KCNJ6: variants seen among roughly 807,000 people sequenced by gnomAD.
KCNJ6 encodes G protein-activated inward rectifier potassium channel 2.
KCNJ6 carries 9 observed loss-of-function variants against 34.2 expected under a neutral mutation model. The ratio of observed to expected loss-of-function variants is 0.26; its 90% CI spans 0.16 to 0.46. KCNJ6 has a LOEUF of 0.46. Ranked by LOEUF, KCNJ6 falls within the 20% of genes least tolerant of loss-of-function variation. The pLI is 1.00. For synonymous variants in KCNJ6, 196 were observed against 207.1 expected, an observed-to-expected ratio of 0.95 and a Z score of 0.46; for missense variants, 236 against 531.3, an observed-to-expected ratio of 0.44 and a Z score of 5.46.
At chr21:37,913,780 T>C (rs573634599) in intron 1 of KCNJ6, among the ~76,000 whole-genome samples, 1 of 152,044 alleles carries the variant, frequency 6.6e-6, no homozygotes, top group South Asian at 2.1e-4. Flanking sequence ...ATCGAGCCAC[T>C]GCACTCTAGC....
intron 2 of KCNJ6, among the ~76,000 whole-genome samples, chr21:37,742,688 T>G (rs2835917): frequency 0.5 from 75,912 of 151,966 alleles, 19,300 homozygotes; most frequent in South Asian, 0.64. Context: ...GCAGTCACCA[T>G]ATCTAGATCA....
intron 3 of KCNJ6, among the ~76,000 whole-genome samples, chr21:37,660,202 C>T (rs1389533471): frequency 1.3e-5 from 2 of 152,250 alleles, no homozygotes; most frequent in Non-Finnish European, 1.5e-5. Flanking sequence ...CACACACCTA[C>T]ACTCTCTTCC....
chr21:37,690,085 T>C (rs2123427146), intron 3 of KCNJ6, among the ~76,000 whole-genome samples: 1 of 148,894 alleles, frequency 6.7e-6, no homozygotes, highest in Non-Finnish European at 1.5e-5. Flanking sequence ...GATTATGCAA[T>C]TAAAATTGTT....
intron 1 of KCNJ6, among the ~76,000 whole-genome samples, chr21:37,866,767 C>T: frequency 6.6e-6 from 1 of 152,096 alleles, no homozygotes; most frequent in East Asian, 1.9e-4. Flanking sequence ...GATCTGGGGG[C>T]CACAGGATGA....
At chr21:37,764,060 AATT>A (rs1172237116) in intron 2 of KCNJ6, among the ~76,000 whole-genome samples, 1 of 152,252 alleles carries the variant, frequency 6.6e-6, no homozygotes, top group African/African-American at 2.4e-5. Context: ...TGACAAAGTG[AATT>A]ATTATAACAC....
At chr21:37,649,950 A>G (rs1469943182) in intron 3 of KCNJ6, among the ~76,000 whole-genome samples, 1 of 144,612 alleles carries the variant, frequency 6.9e-6, no homozygotes, top group Non-Finnish European at 1.5e-5. Context: ...TTTTTAGTAG[A>G]GACGGGGCTT....
At position 37,620,083 on chromosome 21, in the gene KCNJ6, T is replaced by C. The variant is rs980548284; in HGVS notation, c.*5076A>G. 6 of 152,152 alleles carry C rather than the reference T, an allele frequency of 3.9e-5. No homozygotes were observed. Among genetic ancestry groups the C allele is most frequent in the Non-Finnish European group, 8.8e-5 (6 of 68,030 alleles). The allele number at this position is 152,152 out of a possible 1,614,324, so 9.4% of individuals were successfully genotyped here. A position where few individuals can be genotyped will look rare whatever the true frequency, so the allele number is the denominator to read the frequency against. The stretch of plus-strand genomic sequence containing the variant: ...ACAGACTTATGAGTGACTTCAATAA[T>C]TTATGCTAGAAAAAAAGTCATTCTT... On this transcript the variant is annotated 3_prime_UTR_variant, in exon 4 of 4. Coordinates refer to ENST00000609713, the MANE Select transcript of KCNJ6 (RefSeq NM_002240.5).
At chr21:37,880,325 A>G (rs950689899) in intron 1 of KCNJ6, among the ~76,000 whole-genome samples, 1 of 152,218 alleles carries the variant, frequency 6.6e-6, no homozygotes, top group South Asian at 2.1e-4. Context: ...TGTCAAGCAC[A>G]TTGTACACCA....
chr21:37,649,920 AT>A (rs10597774), intron 3 of KCNJ6, among the ~76,000 whole-genome samples: 69,617 of 143,752 alleles, frequency 0.48, 16,645 homozygotes, highest in African/African-American at 0.55. Flanking sequence ...CACCCAGCTA[AT>A]TTTTTTTTTT....
At chr21:37,870,643 T>G (rs1482294106) in intron 1 of KCNJ6, among the ~76,000 whole-genome samples, 1 of 151,606 alleles carries the variant, frequency 6.6e-6, no homozygotes, top group African/African-American at 2.4e-5. Flanking sequence ...TAAAACCAAC[T>G]GTAAATCATT....
At chr21:37,871,767 C>T (rs1191913682) in intron 1 of KCNJ6, among the ~76,000 whole-genome samples, 2 of 152,206 alleles carry the variant, frequency 1.3e-5, no homozygotes, top group Non-Finnish European at 2.9e-5. Flanking sequence ...CCCAGAGTCA[C>T]AGAAGTTTGG....
intron 3 of KCNJ6, among the ~76,000 whole-genome samples, chr21:37,643,413 C>T (rs914998946): frequency 6.6e-6 from 1 of 152,182 alleles, no homozygotes; most frequent in Non-Finnish European, 1.5e-5. Flanking sequence ...AGAGTGAGTG[C>T]AGTGGTTTCA....
At chr21:37,845,539 A>C (rs73208111) in intron 1 of KCNJ6, among the ~76,000 whole-genome samples, 2,419 of 152,300 alleles carry the variant, frequency 0.016, 34 homozygotes, top group South Asian at 0.03. Flanking sequence ...GGATAGGTGG[A>C]ATTTGCACTG....
At chr21:37,674,988 A>G (rs1277160774) in intron 3 of KCNJ6, among the ~76,000 whole-genome samples, 1 of 152,138 alleles carries the variant, frequency 6.6e-6, no homozygotes, top group African/African-American at 2.4e-5. Flanking sequence ...CTTTTCCCAG[A>G]CAGCCCACCC....
chr21:37,728,564 A>T (rs1261820003), intron 2 of KCNJ6, among the ~76,000 whole-genome samples: 1 of 152,208 alleles, frequency 6.6e-6, no homozygotes, highest in Non-Finnish European at 1.5e-5. Context: ...AAGAGCTTAC[A>T]AAGAGCTACG....
intron 1 of KCNJ6, among the ~76,000 whole-genome samples, chr21:37,908,926 C>T (rs1228843082): frequency 2.0e-5 from 3 of 152,220 alleles, no homozygotes; most frequent in Non-Finnish European, 4.4e-5. Context: ...TACCAGTTTC[C>T]CTCCTCCTGG....
At chr21:37,901,625 C>T (rs2055817252) in intron 1 of KCNJ6, among the ~76,000 whole-genome samples, 1 of 152,206 alleles carries the variant, frequency 6.6e-6, no homozygotes, top group East Asian at 1.9e-4. Context: ...AACAGACGTT[C>T]AAGTTAGGAT....
chr21:37,742,831 C>CA (rs1182797169), intron 2 of KCNJ6, among the ~76,000 whole-genome samples: 1 of 152,224 alleles, frequency 6.6e-6, no homozygotes. Flanking sequence ...AGGCTCCCAG[C>CA]AAGGCTCTCT....
chr21:37,633,029 AAG>A (rs767988278), intron 3 of KCNJ6, among the ~76,000 whole-genome samples: 3 of 152,160 alleles, frequency 2.0e-5, no homozygotes, highest in Admixed American at 6.5e-5. Flanking sequence ...TAGTACAAGA[AAG>A]AGAGAAAAAA....
Sources: gnomAD v4.1 joint callset for allele counts (sites outside exome capture counted in the v4.1 genomes callset) on GRCh38, gnomAD v4.1.1 for gene constraint, MANE v1.5 for transcripts, NCBI Gene and HGNC (gene_info 2026-07-23, HGNC 2026-07-21) for gene names.